The following ELK3 variants were observed in gnomAD, a reference collection of about 807,000 sequenced individuals.
The protein encoded by ELK3 is ETS domain-containing protein Elk-3.
Under a neutral mutation model 28.9 loss-of-function variants are expected in ELK3, and 10 were observed. The ratio of observed to expected loss-of-function variants is 0.35; its 90% CI spans 0.21 to 0.59. The LOEUF (loss-of-function observed/expected upper bound fraction) is 0.59, where lower values mean the gene tolerates loss of function less well. ELK3 is among the 20% of genes least tolerant of loss of function. The probability of loss-of-function intolerance (pLI) is 0.82; values close to 1 mark genes in which losing one functional copy is unlikely to be tolerated. For synonymous variants in ELK3, 272 were observed against 243.5 expected (o/e 1.12, Z -1.09); for missense variants, 463 against 517.3 (o/e 0.90, Z 1.02).
chr12:96,222,233 A>G (rs548676445), intron 1 of ELK3, among the ~76,000 whole-genome samples: 54 of 152,184 alleles, frequency 3.5e-4, no homozygotes, highest in Non-Finnish European at 6.8e-4. Context: ...GAAATTGAGA[A>G]ACTGCCCAGG....
intron 2 of ELK3, among the ~76,000 whole-genome samples, chr12:96,246,436 C>T (rs748033920): frequency 6.6e-5 from 10 of 152,156 alleles, no homozygotes; most frequent in Non-Finnish European, 1.5e-4. Context: ...TGGGGGATTG[C>T]TTGAGTCCAG....
chr12:96,223,112 G>A (rs1476710987), intron 1 of ELK3, among the ~76,000 whole-genome samples: 3 of 152,136 alleles, frequency 2.0e-5, no homozygotes, highest in Admixed American at 6.5e-5. Flanking sequence ...CACCTCCAAC[G>A]TTGGGGATTA....
chr12:96,248,184 C>T (rs952396174), intron 3 of ELK3, among the ~76,000 whole-genome samples: 6 of 152,154 alleles, frequency 3.9e-5, no homozygotes, highest in Admixed American at 1.3e-4. Context: ...ATGCCGCCAT[C>T]GCATGTCAGT....
At chr12:96,253,400 CCT>C (rs1226918402) in intron 3 of ELK3, among the ~76,000 whole-genome samples, 5 of 152,210 alleles carry the variant, frequency 3.3e-5, no homozygotes, top group African/African-American at 7.2e-5. Flanking sequence ...TGCTTCCTCC[CCT>C]GTCCCTTTCT....
Position 96,268,164 on chromosome 12 carries a change from G to GTGA in ELK3, c.*988_*990dup, listed in dbSNP as rs1320292054. 1 of 152,194 alleles carries GTGA rather than the reference G, an allele frequency of 6.6e-6. No homozygotes were observed. The highest frequency in any genetic ancestry group is 2.4e-5 in the African/African-American group (1 of 41,450). 9.4% of individuals were successfully genotyped at this position (152,194 alleles called of 1,614,324 possible). ...TGCTTTAGAAGAAGCTCACAGAGTG[G>GTGA]TGATGAACCCAAACAACAAAGAAAC... On this transcript the variant is annotated 3_prime_UTR_variant, in exon 5 of 5. Transcript: ENST00000228741.
rs750272313 is a variant in ELK3 at position 96,259,753 on chromosome 12, C to T, written c.1025C>T (p.Thr342Ile). 1.2e-6 allele frequency: 2 copies of T among 1,610,648 alleles called. No individual in the cohort carries two copies. Among genetic ancestry groups the T allele is most frequent in the Non-Finnish European group, 1.7e-6 (2 of 1,178,720 alleles). ...TAQTPNGLLLTPSPLLSSIHF... is the reference protein window; with the variant it reads ...TAQTPNGLLLIPSPLLSSIHF... Reference sequence around the variant, plus strand: ...CAGACACCAAATGGATTGCTTCTGACTCCGAGTCCACTGCTCTCCAGCATA... The same window carrying T: ...CAGACACCAAATGGATTGCTTCTGATTCCGAGTCCACTGCTCTCCAGCATA... Residue 342 changes from threonine (T) to isoleucine (I), a missense_variant, in exon 4 of 5, where the codon ACT becomes ATT. Physicochemically the swap from Thr to Ile is moderately conservative, Grantham distance 89. This residue lies in a region of ELK3 where 408 missense variants were observed against 414.8 expected (regional missense o/e 0.98). Transcript: ENST00000228741.
At chr12:96,224,251 T>C (rs1378756860) in intron 2 of ELK3, among the ~76,000 whole-genome samples, 4 of 152,146 alleles carry the variant, frequency 2.6e-5, no homozygotes, top group African/African-American at 9.7e-5. Context: ...GGAATAATAA[T>C]AGGAATAGGA....
In ELK3 at chr12:96,269,545, A is replaced by G. The variant is rs185374064; in HGVS notation, c.*2365A>G. ...AACTGGAGGAACTGAAGAATAACTC[A>G]CTCATATAGCTCTGCCTCATTCTGT... On this transcript the variant is annotated 3_prime_UTR_variant, in exon 5 of 5. Coordinates refer to ENST00000228741, the MANE Select transcript of ELK3 (RefSeq NM_005230.4). 1 of 152,210 alleles carries G rather than the reference A, an allele frequency of 6.6e-6. No individual in the cohort carries two copies. Among genetic ancestry groups the G allele is most frequent in the East Asian group, 1.9e-4 (1 of 5,180 alleles). 9.4% of individuals were successfully genotyped at this position (152,210 alleles called of 1,614,324 possible).
At chr12:96,219,599 A>C (rs1592675604) in intron 1 of ELK3, among the ~76,000 whole-genome samples, 1 of 152,144 alleles carries the variant, frequency 6.6e-6, no homozygotes, top group Non-Finnish European at 1.5e-5. Context: ...CCCACTGCCC[A>C]CCTGTCCCCC....
chr12:96,234,548 G>A (rs1951767121), intron 2 of ELK3, among the ~76,000 whole-genome samples: 1 of 151,992 alleles, frequency 6.6e-6, no homozygotes, highest in South Asian at 2.1e-4. Flanking sequence ...CCCCACCCCT[G>A]CCTGTGCTCC....
At chr12:96,243,141 C>T (rs1951832682) in intron 2 of ELK3, among the ~76,000 whole-genome samples, 1 of 152,178 alleles carries the variant, frequency 6.6e-6, no homozygotes, top group South Asian at 2.1e-4. Context: ...CTTATATGTT[C>T]TTTTCTTTAA....
intron 2 of ELK3, among the ~76,000 whole-genome samples, chr12:96,230,126 T>TA: frequency 6.6e-6 from 1 of 152,218 alleles, no homozygotes; most frequent in East Asian, 1.9e-4. Context: ...TACGTTTAGA[T>TA]ACGTTGAGAT....
intron 1 of ELK3, among the ~76,000 whole-genome samples, chr12:96,212,085 G>A (rs1951582816): frequency 6.6e-6 from 1 of 152,202 alleles, no homozygotes; most frequent in Non-Finnish European, 1.5e-5. Context: ...CAGTACTGAA[G>A]GTTAAAACAG....
At chr12:96,215,801 A>G (rs117776195) in intron 1 of ELK3, among the ~76,000 whole-genome samples, 2,638 of 151,678 alleles carry the variant, frequency 0.017, 50 homozygotes, top group Admixed American at 0.061. Flanking sequence ...AGACACAGCT[A>G]ATTTTTGTAT....
rs138854567 is a variant in ELK3 at position 96,201,199 on chromosome 12, T to C, written c.-3+6494T>C. ...AAAATCCTTTCTGTATTACCTGATA[T>C]CCGCAAAATATTTAACCAAAAGTAA... On this transcript the variant is annotated intron_variant, in intron 1 of 4. Transcript: ENST00000228741. Among the ~76,000 whole-genome samples, 753 of 152,246 alleles carry C rather than the reference T, an allele frequency of 4.9e-3. 5 individuals are homozygous for C. The highest frequency in any genetic ancestry group is 0.015 in the African/African-American group (606 of 41,570).
intron 3 of ELK3, among the ~76,000 whole-genome samples, chr12:96,249,463 T>TAA (rs1951886421): frequency 6.6e-6 from 1 of 152,120 alleles, no homozygotes; most frequent in Admixed American, 6.5e-5. Flanking sequence ...ATCTTCCAGT[T>TAA]AAGCAAGGCT....
chr12:96,211,692 T>G (rs1245133439), intron 1 of ELK3, among the ~76,000 whole-genome samples: 2 of 152,302 alleles, frequency 1.3e-5, no homozygotes, highest in South Asian at 4.1e-4. Flanking sequence ...TAATGAAATA[T>G]GATTGTAGCT....
intron 3 of ELK3, among the ~76,000 whole-genome samples, chr12:96,248,218 G>A (rs911107554): frequency 3.3e-5 from 5 of 152,136 alleles, no homozygotes; most frequent in Admixed American, 2.0e-4. Context: ...CATAGCGTAG[G>A]TAATAAGAAA....
Position 96,259,814 on chromosome 12 carries a change from G to A in ELK3, c.1086G>A (p.Leu362=). ...GCAGCCTTAGTCCAGTTGCTCCGCT[G>A]AGTCCTGCCAGGCTGCAAGGGCCAA... ...FWSSLSPVAP[L]SPARLQGPST... The change falls in exon 4 of 5, where the codon CTG becomes CTA. Residue 362 remains leucine, a synonymous_variant. Transcript: ENST00000228741. The A allele has an allele frequency of 1.2e-6, 2 of 1,608,970 alleles. No homozygotes were observed. The highest frequency in any genetic ancestry group is 2.2e-5 in the East Asian group (1 of 44,770).
Sources: gnomAD v4.1 joint callset for allele counts (sites outside exome capture counted in the v4.1 genomes callset) on GRCh38, gnomAD v4.1.1 for gene constraint, gnomAD v4.1.1 regional missense constraint, MANE v1.5 for transcripts, NCBI Gene and HGNC (gene_info 2026-07-23, HGNC 2026-07-21) for gene names.